LAMC3: variants seen among roughly 807,000 people sequenced by gnomAD.
The protein encoded by LAMC3 is laminin subunit gamma-3.
In LAMC3, 128 loss-of-function variants were observed where a neutral mutation model predicts 173.8. The ratio of observed to expected loss-of-function variants is 0.74; its 90% CI spans 0.64 to 0.85. The LOEUF (loss-of-function observed/expected upper bound fraction) is 0.85. LAMC3 is among the 40% of genes least tolerant of loss of function. The probability of loss-of-function intolerance (pLI) is 0.00; values close to 1 mark genes in which losing one functional copy is unlikely to be tolerated. For synonymous variants in LAMC3, 897 were observed against 909.1 expected (o/e 0.99, Z 0.24); for missense variants, 2,022 against 2,156.0 (o/e 0.94, Z 1.23).
At chr9:131,052,378 C>A in intron 9 of LAMC3, 113 bp from the exon 10 acceptor site, 1 of 999,008 alleles carries the variant, frequency 1.0e-6, no homozygotes, top group South Asian at 1.3e-5. Flanking sequence ...TGATTTTCTA[C>A]CCACTGCACT....
chr9:131,059,552 AC>A (rs1277240730), intron 12 of LAMC3, among the ~76,000 whole-genome samples: 1 of 24,902 alleles, frequency 4.0e-5, no homozygotes, highest in Non-Finnish European at 1.6e-4. Context: ...GAGGGCAAGC[AC>A]AACCACACGC....
chr9:131,014,053 A>G (rs1441551401), intron 1 of LAMC3, among the ~76,000 whole-genome samples: 1 of 152,176 alleles, frequency 6.6e-6, no homozygotes. Context: ...CCATCCACCC[A>G]CAGAACTGCC....
chr9:131,070,766 T>C (rs953355824), intron 17 of LAMC3, among the ~76,000 whole-genome samples: 2 of 152,002 alleles, frequency 1.3e-5, no homozygotes, highest in African/African-American at 4.8e-5. Flanking sequence ...CCACTGTGAA[T>C]GGGCAGCCCC....
chr9:131,058,915 A>G (rs1224214339), intron 12 of LAMC3, among the ~76,000 whole-genome samples: 1 of 148,086 alleles, frequency 6.8e-6, no homozygotes, highest in African/African-American at 2.5e-5. Context: ...AAAAAAAAGA[A>G]GAGGCCAGAC....
At chr9:131,018,988 C>T (rs887909332) in intron 1 of LAMC3, among the ~76,000 whole-genome samples, 1 of 152,238 alleles carries the variant, frequency 6.6e-6, no homozygotes, top group African/African-American at 2.4e-5. Flanking sequence ...CTCATCTGGG[C>T]ACGGTGGCTC....
intron 1 of LAMC3, among the ~76,000 whole-genome samples, chr9:131,025,416 G>A (rs905099813): frequency 6.6e-6 from 1 of 152,162 alleles, no homozygotes; most frequent in Non-Finnish European, 1.5e-5. Flanking sequence ...AGGGTGGAGC[G>A]CAGGGCAGGC....
At chr9:131,019,375 A>G (rs751213360) in intron 1 of LAMC3, among the ~76,000 whole-genome samples, 1 of 152,230 alleles carries the variant, frequency 6.6e-6, no homozygotes, top group African/African-American at 2.4e-5. Flanking sequence ...CCTAGCACAC[A>G]AGAGGTGCCC....
At chr9:131,039,874 G>A (rs2133256849) in intron 6 of LAMC3, among the ~76,000 whole-genome samples, 1 of 152,112 alleles carries the variant, frequency 6.6e-6, no homozygotes, top group Non-Finnish European at 1.5e-5. Context: ...TACCTAGTGG[G>A]ACAGCTGAGG....
chr9:131,053,298 C>G lies in LAMC3; in HGVS notation c.1939+333C>G, dbSNP rs7864673. ...TCACTGGATCCACCAAGCCCCCTGTCCCCGCTGGACACAGCCCACAGCCGG... is the reference window on the plus strand; with the variant it reads ...TCACTGGATCCACCAAGCCCCCTGTGCCCGCTGGACACAGCCCACAGCCGG... On this transcript the variant is annotated intron_variant, in intron 11 of 27. Transcript: ENST00000361069. Among the ~76,000 whole-genome samples the G allele has an allele frequency of 0.35, 53,857 of 152,026 alleles. 10,812 individuals are homozygous for G. The highest frequency in any genetic ancestry group is 0.56 in the African/African-American group (23,143 of 41,438).
At position 131,045,568 on chromosome 9, in the gene LAMC3, G is replaced by A; in HGVS notation, c.1427G>A (p.Gly476Asp). 3 of 1,614,048 alleles carry A rather than the reference G, an allele frequency of 1.9e-6. No homozygotes were observed. The highest frequency in any genetic ancestry group is 2.5e-6 in the Non-Finnish European group (3 of 1,180,026). The change falls in exon 8 of 28, where the codon GGC becomes GAC. Residue 476 changes from glycine to aspartate, a missense_variant. Transcript: ENST00000361069. The part of the protein sequence containing the change: ...TFNLQPHNPA[G>D]CSSCFCYGHS... Reference sequence around the variant, plus strand: ...AACCTGCAGCCCCACAATCCAGCTGGCTGCAGCAGCTGTTTCTGCTATGGC... The same window carrying A: ...AACCTGCAGCCCCACAATCCAGCTGACTGCAGCAGCTGTTTCTGCTATGGC...
chr9:131,068,335 G>A (rs943324490), intron 15 of LAMC3, 104 bp downstream of exon 15: 2 of 1,207,830 alleles, frequency 1.7e-6, no homozygotes, highest in Admixed American at 2.1e-5. Context: ...GTTGTCCTAG[G>A]CCCACTGCCA....
At chr9:131,017,719 C>CAA (rs34153382) in intron 1 of LAMC3, among the ~76,000 whole-genome samples, 1 of 35,062 alleles carries the variant, frequency 2.9e-5, no homozygotes, top group Admixed American at 4.3e-4. Context: ...AAGACTGTCT[C>CAA]AAAAAAAAAA....
At chr9:131,082,190 G>A in intron 24 of LAMC3, 29 bp downstream of exon 24, 4 of 1,545,694 alleles carry the variant, frequency 2.6e-6, no homozygotes, top group South Asian at 2.3e-5. Context: ...CCACTAGGCT[G>A]TGTAATGACG....
intron 25 of LAMC3, among the ~76,000 whole-genome samples, chr9:131,086,930 G>A (rs573865755): frequency 1.3e-5 from 2 of 151,638 alleles, no homozygotes; most frequent in African/African-American, 4.8e-5. Context: ...TCACTATGTT[G>A]CCCAGGCTGG....
In LAMC3 at chr9:131,079,664, A is replaced by G. The variant is rs753982237; in HGVS notation, c.3927+366A>G. 1.2e-3 allele frequency among the ~76,000 whole-genome samples: 176 copies of G among 152,124 alleles called. 5 individuals carry two copies. Among genetic ancestry groups the G allele is most frequent in the Non-Finnish European group, 2.1e-4 (14 of 68,020 alleles). Reference sequence around the variant, plus strand: ...AGCTGAGATCGCGCCACTGCACTCCAGTCTGGCAACAGAGTGAGACCCCAT... The same window carrying G: ...AGCTGAGATCGCGCCACTGCACTCCGGTCTGGCAACAGAGTGAGACCCCAT... On this transcript the variant is annotated intron_variant, in intron 23 of 27. Transcript: ENST00000361069.
At chr9:131,048,993 C>T (rs570072849) in intron 8 of LAMC3, 27 bp from the exon 9 acceptor site, 16 of 1,444,688 alleles carry the variant, frequency 1.1e-5, no homozygotes, top group South Asian at 8.6e-5. Context: ...TCACACTGAT[C>T]GGGGGGTGTC....
rs1490585748 is a variant in LAMC3, at chr9:131,009,269, G to A, written c.55G>A (p.Gly19Ser). 6.1e-6 allele frequency: 8 copies of A among 1,309,044 alleles called. No individual in the cohort carries two copies. Among genetic ancestry groups the A allele is most frequent in the East Asian group, 3.3e-5 (1 of 30,396 alleles). The allele number at this position is 1,309,044 out of a possible 1,614,324, so 81.1% of individuals were successfully genotyped here. A position where few individuals can be genotyped will look rare whatever the true frequency, so the allele number is the denominator to read the frequency against. Residue 19 changes from glycine to serine, a missense_variant, in exon 1 of 28, where the codon GGC becomes AGC. Gly to Ser is a moderately conservative substitution (Grantham distance 56, BLOSUM62 0). Transcript: ENST00000361069. This position sits in a 1 kb window ranked among gnomAD's most constrained non-coding sequence, Gnocchi z 4.3. ...GGCGCTGCTGGCACCGCGGGCGGCC[G>A]GCGCGGGCATGGGCGCGTGCTATGA... ...GLALLAPRAA[G>S]AGMGACYDGA...
At chr9:131,074,295 T>C (rs1830085622) in intron 20 of LAMC3, among the ~76,000 whole-genome samples, 1 of 151,990 alleles carries the variant, frequency 6.6e-6, no homozygotes, top group Non-Finnish European at 1.5e-5. Context: ...GGGTGAGTGC[T>C]TCACTCCTCT....
At chr9:131,054,658 T>C (rs1176646875) in intron 11 of LAMC3, among the ~76,000 whole-genome samples, 1 of 151,926 alleles carries the variant, frequency 6.6e-6, no homozygotes, top group East Asian at 1.9e-4. Flanking sequence ...GGAGGGAGAA[T>C]TGCTTGAACC....
Sources: allele counts gnomAD v4.1 joint callset (sites outside exome capture counted in the v4.1 genomes callset), GRCh38; gene constraint gnomAD v4.1.1; non-coding constraint Gnocchi (gnomAD v3.1); transcripts MANE v1.5; gene names NCBI Gene and HGNC (gene_info 2026-07-23, HGNC 2026-07-21).